Variants in GRK1 observed in about 807,000 individuals in gnomAD.
The protein encoded by GRK1 is G protein-coupled receptor kinase 1.
In GRK1, 28 loss-of-function variants were observed where a neutral mutation model predicts 41.7. The ratio of observed to expected loss-of-function variants is 0.67; its 90% CI spans 0.50 to 0.92. GRK1 has a LOEUF of 0.92. Among genes scored for constraint, GRK1 ranks in the 40% least tolerant of loss-of-function variants. The pLI is 0.00. For synonymous variants in GRK1, 327 were observed against 286.7 expected (o/e 1.14, Z -1.42); for missense variants, 703 against 671.2 (o/e 1.05, Z -0.52).
chr13:113,730,243 G>A (rs1354048733), intron 4 of GRK1, among the ~76,000 whole-genome samples: 1 of 91,624 alleles, frequency 1.1e-5, no homozygotes, highest in Non-Finnish European at 2.1e-5. Context: ...CCGTGGCTGA[G>A]CCCAGACCCG....
At chr13:113,656,443 G>A in the GRK1 span, among the ~76,000 whole-genome samples, 1 of 152,280 alleles carries the variant, frequency 6.6e-6, no homozygotes, top group East Asian at 1.9e-4. Context: ...CTGCCTCCCG[G>A]GTAGGAGCCC....
intron 4 of GRK1, among the ~76,000 whole-genome samples, chr13:113,728,139 GCGA>G (rs2049905415): frequency 8.6e-6 from 1 of 116,036 alleles, no homozygotes; most frequent in African/African-American, 3.7e-5. Flanking sequence ...AGTACCCATG[GCGA>G]TGAGGAGTAC....
chr13:113,664,433 A>C (rs962487840), upstream of GRK1, among the ~76,000 whole-genome samples: 62 of 152,204 alleles, frequency 4.1e-4, no homozygotes, highest in African/African-American at 1.4e-3. The surrounding 1 kb of genome is among the most constrained non-coding windows in gnomAD (Gnocchi z 5.4). Flanking sequence ...AGTTTAATTA[A>C]AAAGGGATTT....
intron 6 of GRK1, 71 bp from the exon 7 acceptor site, chr13:113,734,997 G>A: frequency 4.3e-6 from 6 of 1,394,828 alleles, no homozygotes; most frequent in Non-Finnish European, 2.8e-6. Context: ...TGGGGGAGGG[G>A]GCTTTTTGGC....
intron 6 of GRK1, among the ~76,000 whole-genome samples, chr13:113,733,530 C>T (rs1312258690): frequency 6.1e-4 from 69 of 113,062 alleles, no homozygotes; most frequent in East Asian, 1.2e-3. Context: ...CATGTGTGCG[C>T]GTGTGTGCAT....
At chr13:113,727,795 G>A (rs1320476930) in intron 4 of GRK1, among the ~76,000 whole-genome samples, 2 of 101,444 alleles carry the variant, frequency 2.0e-5, no homozygotes, top group African/African-American at 7.0e-5. Flanking sequence ...TACCCATGGC[G>A]ATGAGGACCC....
chr13:113,733,786 CATGT>C (rs1388529959), intron 6 of GRK1, among the ~76,000 whole-genome samples: 3 of 108,610 alleles, frequency 2.8e-5, no homozygotes, highest in South Asian at 2.7e-4. Context: ...TACGTGTGTG[CATGT>C]GTGTATGTGT....
chr13:113,656,788 A>G, the GRK1 span, among the ~76,000 whole-genome samples: 2 of 152,126 alleles, frequency 1.3e-5, no homozygotes, highest in Admixed American at 6.5e-5. Flanking sequence ...ACCATTCCAG[A>G]AGGTTCTCTG....
chr13:113,658,603 C>T, the GRK1 span, among the ~76,000 whole-genome samples: 51 of 152,280 alleles, frequency 3.3e-4, no homozygotes, highest in East Asian at 6.6e-3. Context: ...GTGAGGCAGG[C>T]GAGTGAGGGG....
chr13:113,653,746 G>T, the GRK1 span, among the ~76,000 whole-genome samples: 1 of 152,202 alleles, frequency 6.6e-6, no homozygotes, highest in Non-Finnish European at 1.5e-5. Flanking sequence ...CTGCACCTGG[G>T]TTTCTATGTA....
Position 113,671,583 on chromosome 13 carries a change from C to T in GRK1, c.912C>T (p.Gly304=). Residue 304 remains glycine, a synonymous_variant, in exon 3 of 7, where the codon GGC becomes GGT. Transcript: ENST00000335678. The surrounding 1 kb of genome is among the most constrained non-coding windows in gnomAD (Gnocchi z 4.1). ...ALFYTAQIIC[G]LEHLHQRRIV... ...TCTACACGGCGCAGATCATCTGCGG[C>T]CTGGAGCACCTGCACCAGAGGCGGA... 1 of 775,860 alleles carries T rather than the reference C, an allele frequency of 1.3e-6. No homozygotes were observed. Among genetic ancestry groups the T allele is most frequent in the South Asian group, 1.3e-5 (1 of 74,614 alleles). 48.1% of individuals were successfully genotyped at this position (775,860 alleles called of 1,614,324 possible).
chr13:113,650,027 T>C, the GRK1 span, among the ~76,000 whole-genome samples: 5 of 152,010 alleles, frequency 3.3e-5, no homozygotes, highest in Non-Finnish European at 5.9e-5. This position sits in a 1 kb window ranked among gnomAD's most constrained non-coding sequence, Gnocchi z 5.0. Context: ...GCTGGGCATG[T>C]TGGTGTGTGC....
rs1347711812 is a variant in GRK1 at position 113,733,695 on chromosome 13, A to G, written c.1396+610A>G. On this transcript the variant is annotated intron_variant, in intron 6 of 6. Transcript: ENST00000335678. Reference sequence around the variant, plus strand: ...CACGTGTGTGCATGTATGTGTGCATACATGTGTGCGTGTGTGCGCACGTGT... The same window carrying G: ...CACGTGTGTGCATGTATGTGTGCATGCATGTGTGCGTGTGTGCGCACGTGT... 1.9e-3 allele frequency among the ~76,000 whole-genome samples: 183 copies of G among 98,500 alleles called. 4 individuals carry two copies. The highest frequency in any genetic ancestry group is 0.011 in the Middle Eastern group (1 of 88). 64.6% of individuals were successfully genotyped at this position (98,500 alleles called of 152,430 possible). A position where few individuals can be genotyped will look rare whatever the true frequency, so the allele number is the denominator to read the frequency against.
intron 4 of GRK1, among the ~76,000 whole-genome samples, chr13:113,723,386 G>A (rs1170891469): frequency 1.3e-5 from 2 of 152,062 alleles, no homozygotes; most frequent in African/African-American, 4.8e-5. Flanking sequence ...TGAGGTTGAG[G>A]ACGCGAGTCC....
At chr13:113,658,045 G>T in the GRK1 span, 1 of 1,603,424 alleles carries the variant, frequency 6.2e-7, no homozygotes, top group East Asian at 2.3e-5. Flanking sequence ...CACCGGGACA[G>T]GGTGCGGCCC....
the GRK1 span, among the ~76,000 whole-genome samples, chr13:113,659,612 T>C: frequency 6.6e-6 from 1 of 152,172 alleles, no homozygotes; most frequent in Non-Finnish European, 1.5e-5. Context: ...TTTTATTTTT[T>C]TGTAGAGATG....
chr13:113,652,470 C>T, the GRK1 span, among the ~76,000 whole-genome samples: 1 of 152,240 alleles, frequency 6.6e-6, no homozygotes, highest in Non-Finnish European at 1.5e-5. Flanking sequence ...CACCTCCCCA[C>T]ACCCCCTAAG....
At chr13:113,730,395 T>C (rs1341742333) in intron 4 of GRK1, among the ~76,000 whole-genome samples, 1 of 115,166 alleles carries the variant, frequency 8.7e-6, no homozygotes, top group Non-Finnish European at 1.8e-5. Context: ...AGCCCAGACC[T>C]GCCCCTCTAT....
At chr13:113,649,072 C>T in the GRK1 span, 32 of 241,570 alleles carry the variant, frequency 1.3e-4, no homozygotes, top group Admixed American at 9.6e-4. This position sits in a 1 kb window ranked among gnomAD's most constrained non-coding sequence, Gnocchi z 4.7. Context: ...ACATAGAAGA[C>T]GAATCGTTTT....
Sources: gnomAD v4.1 joint callset for allele counts (sites outside exome capture counted in the v4.1 genomes callset) on GRCh38, gnomAD v4.1.1 for gene constraint, Gnocchi (gnomAD v3.1) non-coding constraint, MANE v1.5 for transcripts, NCBI Gene and HGNC (gene_info 2026-07-23, HGNC 2026-07-21) for gene names.